The following FSTL5 variants were observed in gnomAD, a reference collection of about 807,000 sequenced individuals.
The protein encoded by FSTL5 is follistatin like 5.
FSTL5 carries 62 observed loss-of-function variants against 89.1 expected under a neutral mutation model. That is an observed-to-expected ratio of 0.70 (90% CI 0.57 to 0.86). The LOEUF is 0.86. Among genes scored for constraint, FSTL5 ranks in the 40% least tolerant of loss-of-function variants. FSTL5 has a pLI of 0.00. For missense variants in FSTL5, 1,057 were observed against 1,001.6 expected (o/e 1.06, Z -0.75); for synonymous variants, 383 against 346.2 (o/e 1.11, Z -1.18).
rs202168263 is a variant in FSTL5 at position 161,800,625 on chromosome 4, A to G, written c.410-24551T>C. Among the ~76,000 whole-genome samples the G allele has an allele frequency of 3.3e-5, 5 of 151,716 alleles. No individual in the cohort carries two copies. In the East Asian group the frequency reaches 9.7e-4, roughly 29 times the overall value. Reference sequence around the variant, plus strand: ...GCTAACTTTTAATTTAGATTTTGTTAGGTTGCAGTTTTCATAAATTACCCC... The same window carrying G: ...GCTAACTTTTAATTTAGATTTTGTTGGGTTGCAGTTTTCATAAATTACCCC... On this transcript the variant is annotated intron_variant, in intron 4 of 15. Transcript: ENST00000306100.
chr4:161,589,211 T>C (rs1733723996), intron 7 of FSTL5, among the ~76,000 whole-genome samples: 1 of 151,914 alleles, frequency 6.6e-6, no homozygotes, highest in South Asian at 2.1e-4. Flanking sequence ...TTCACTCTTG[T>C]TGTCCAAGCT....
intron 1 of FSTL5, among the ~76,000 whole-genome samples, chr4:162,146,326 C>A (rs1228410237): frequency 1.3e-5 from 2 of 152,056 alleles, no homozygotes; most frequent in African/African-American, 4.8e-5. Context: ...TGAATCTATT[C>A]CAACAGAAGG....
chr4:162,041,494 T>TAA (rs1553994150), intron 2 of FSTL5, among the ~76,000 whole-genome samples: 26 of 152,098 alleles, frequency 1.7e-4, no homozygotes, highest in African/African-American at 1.9e-4. Flanking sequence ...TATATATATA[T>TAA]AACACAATCT....
chr4:161,538,587 T>C (rs1731712722), intron 9 of FSTL5, among the ~76,000 whole-genome samples: 1 of 152,194 alleles, frequency 6.6e-6, no homozygotes, highest in Non-Finnish European at 1.5e-5. Flanking sequence ...TATTGATAAG[T>C]ATAATTTCAT....
intron 15 of FSTL5, among the ~76,000 whole-genome samples, chr4:161,429,664 T>G (rs2126336149): frequency 6.6e-6 from 1 of 152,334 alleles, no homozygotes; most frequent in Non-Finnish European, 1.5e-5. Flanking sequence ...GGGTTCTCTC[T>G]AATGCAGATA....
intron 3 of FSTL5, among the ~76,000 whole-genome samples, chr4:161,957,337 T>G (rs1204621855): frequency 6.6e-6 from 1 of 152,076 alleles, no homozygotes; most frequent in Non-Finnish European, 1.5e-5. Flanking sequence ...ACCTTTATTA[T>G]TCTCTCATTT....
intron 6 of FSTL5, among the ~76,000 whole-genome samples, chr4:161,752,271 A>G (rs745934961): frequency 2.0e-5 from 3 of 148,162 alleles, no homozygotes; most frequent in Middle Eastern, 3.5e-3. Flanking sequence ...ATAGATAGAT[A>G]GATGGAATGT....
At position 162,041,097 on chromosome 4, in the gene FSTL5, A is replaced by G. The variant is rs146782588; in HGVS notation, c.127-7439T>C. On this transcript the variant is annotated intron_variant, in intron 2 of 15. Transcript: ENST00000306100. ...AATAGTGGAATTATGTATCAAATCT[A>G]GATAGTACAGTCCAGAGAGGAATGC... 8.6e-3 allele frequency among the ~76,000 whole-genome samples: 1,307 copies of G among 151,492 alleles called. 17 individuals are homozygous for G. Among genetic ancestry groups the G allele is most frequent in the African/African-American group, 0.03 (1,221 of 41,316 alleles).
At chr4:161,636,119 G>A (rs1735685486) in intron 7 of FSTL5, among the ~76,000 whole-genome samples, 1 of 150,496 alleles carries the variant, frequency 6.6e-6, no homozygotes. Context: ...TTGAAGGAAA[G>A]GTAAAATTGA....
chr4:161,798,408 T>A (rs1005348201), intron 4 of FSTL5, among the ~76,000 whole-genome samples: 25 of 151,486 alleles, frequency 1.7e-4, no homozygotes, highest in African/African-American at 5.8e-4. Context: ...CCTATCTTTA[T>A]AGACTTTTTG....
intron 1 of FSTL5, among the ~76,000 whole-genome samples, chr4:162,116,505 CT>C (rs1223168814): frequency 3.3e-5 from 5 of 152,228 alleles, no homozygotes; most frequent in African/African-American, 1.2e-4. Flanking sequence ...TCCCTGCCCC[CT>C]GCCACCCAAC....
intron 8 of FSTL5, among the ~76,000 whole-genome samples, chr4:161,574,603 AC>A (rs1733146879): frequency 6.6e-6 from 1 of 152,088 alleles, no homozygotes; most frequent in Non-Finnish European, 1.5e-5. Context: ...ATGAGTGAGA[AC>A]ATACGGTGTT....
chr4:161,953,244 T>C (rs1421538531), intron 3 of FSTL5, among the ~76,000 whole-genome samples: 1 of 151,686 alleles, frequency 6.6e-6, no homozygotes, highest in Admixed American at 6.6e-5. Flanking sequence ...TCAAGTCACA[T>C]ACACAACTTC....
intron 10 of FSTL5, among the ~76,000 whole-genome samples, chr4:161,516,975 C>A (rs1228539354): frequency 6.6e-6 from 1 of 152,082 alleles, no homozygotes; most frequent in Non-Finnish European, 1.5e-5. Flanking sequence ...CTCAACACAA[C>A]CTCCACCTGT....
intron 4 of FSTL5, among the ~76,000 whole-genome samples, chr4:161,824,424 A>G (rs972502615): frequency 2.0e-5 from 3 of 152,144 alleles, no homozygotes; most frequent in African/African-American, 7.2e-5. Flanking sequence ...GCCTTATAAT[A>G]TAGTTTGAAG....
intron 7 of FSTL5, among the ~76,000 whole-genome samples, chr4:161,607,761 A>C (rs941047128): frequency 6.6e-6 from 1 of 152,184 alleles, no homozygotes; most frequent in African/African-American, 2.4e-5. Flanking sequence ...AGTTCAATGT[A>C]TGCTTATGTC....
chr4:162,008,943 T>C (rs1412292506), intron 3 of FSTL5, among the ~76,000 whole-genome samples: 5 of 151,994 alleles, frequency 3.3e-5, no homozygotes, highest in Non-Finnish European at 7.4e-5. Context: ...GATACTTAAC[T>C]GTGTAGACAA....
chr4:161,634,956 T>C (rs750952144), intron 7 of FSTL5, among the ~76,000 whole-genome samples: 1 of 152,208 alleles, frequency 6.6e-6, no homozygotes, highest in Non-Finnish European at 1.5e-5. Flanking sequence ...CCTTTCGCAA[T>C]GTATATGTGT....
In FSTL5 at chr4:161,962,122, T is replaced by C. The variant is rs149657610; in HGVS notation, c.161-41470A>G. Among the ~76,000 whole-genome samples the C allele has an allele frequency of 8.7e-3, 1,322 of 152,074 alleles. 28 individuals are homozygous for C. The highest frequency in any genetic ancestry group is 0.03 in the African/African-American group (1,244 of 41,550). On this transcript the variant is annotated intron_variant, in intron 3 of 15. Transcript: ENST00000306100. Reference sequence around the variant, plus strand: ...CCCAAGCACTTGCAGGAATATTAAATATGAGTACAATCTAATAAAGTATTA... The same window carrying C: ...CCCAAGCACTTGCAGGAATATTAAACATGAGTACAATCTAATAAAGTATTA...
Sources: gnomAD v4.1 joint callset for allele counts (sites outside exome capture counted in the v4.1 genomes callset) on GRCh38, gnomAD v4.1.1 for gene constraint, MANE v1.5 for transcripts, NCBI Gene and HGNC (gene_info 2026-07-23, HGNC 2026-07-21) for gene names.